Variants in SORCS3 observed in about 807,000 individuals in gnomAD.
The protein encoded by SORCS3 is sortilin related VPS10 domain containing receptor 3.
SORCS3 carries 57 observed loss-of-function variants against 146.3 expected under a neutral mutation model. That is an observed-to-expected ratio of 0.39 (90% CI 0.31 to 0.49). The LOEUF is 0.49. SORCS3 is among the 20% of genes least tolerant of loss of function. The pLI is 0.92. For missense variants in SORCS3, 1,341 were observed against 1,575.5 expected, an observed-to-expected ratio of 0.85 and a Z score of 2.52; for synonymous variants, 653 against 618.5, an observed-to-expected ratio of 1.06 and a Z score of -0.83.
chr10:104,904,390 G>T (rs916516134), intron 2 of SORCS3, among the ~76,000 whole-genome samples: 2 of 152,136 alleles, frequency 1.3e-5, no homozygotes, highest in African/African-American at 4.8e-5. Context: ...GAGCTTTAAT[G>T]ATAATTTTTA....
At chr10:104,977,854 CCTGAGTGGCTCGGATTA>C (rs2054910077) in intron 4 of SORCS3, among the ~76,000 whole-genome samples, 1 of 151,076 alleles carries the variant, frequency 6.6e-6, no homozygotes, top group Admixed American at 6.6e-5. Flanking sequence ...GCCTCAGCCT[CCTGAGTGGCTCGGATTA>C]CAGGTGCCCA....
intron 1 of SORCS3, among the ~76,000 whole-genome samples, chr10:104,724,623 T>C (rs1370002027): frequency 1.3e-5 from 2 of 152,190 alleles, no homozygotes; most frequent in Non-Finnish European, 2.9e-5. Context: ...CAATCAGACG[T>C]AGATTTGGTC....
chr10:104,747,555 C>T (rs2016925842), intron 1 of SORCS3, among the ~76,000 whole-genome samples: 1 of 152,194 alleles, frequency 6.6e-6, no homozygotes, highest in African/African-American at 2.4e-5. Context: ...TAATGAGAGG[C>T]TAATCTAACC....
At chr10:104,820,360 A>T (rs1182237439) in intron 1 of SORCS3, among the ~76,000 whole-genome samples, 2 of 152,188 alleles carry the variant, frequency 1.3e-5, no homozygotes, top group Non-Finnish European at 2.9e-5. Flanking sequence ...ATTGTCATTA[A>T]CTGGAATTTA....
chr10:104,835,330 G>A (rs1273157002), intron 1 of SORCS3, among the ~76,000 whole-genome samples: 1 of 152,142 alleles, frequency 6.6e-6, no homozygotes, highest in Non-Finnish European at 1.5e-5. Flanking sequence ...ACCACTCCTG[G>A]TAAAGAAAGT....
chr10:104,943,035 A>G (rs1282333152), intron 3 of SORCS3, among the ~76,000 whole-genome samples: 1 of 152,206 alleles, frequency 6.6e-6, no homozygotes, highest in Non-Finnish European at 1.5e-5. Context: ...CTGTAAATAA[A>G]CCCTTAGAAT....
chr10:105,102,131 C>T (rs1008053988), intron 6 of SORCS3, among the ~76,000 whole-genome samples: 2 of 152,126 alleles, frequency 1.3e-5, no homozygotes, highest in Non-Finnish European at 2.9e-5. Flanking sequence ...GCTACAGGGT[C>T]AGGGAATGAG....
At chr10:105,057,595 G>A (rs1006884261) in intron 5 of SORCS3, among the ~76,000 whole-genome samples, 4 of 152,126 alleles carry the variant, frequency 2.6e-5, no homozygotes. Context: ...CACTCACATG[G>A]ACATGATTTT....
At chr10:104,797,533 A>G (rs1442216032) in intron 1 of SORCS3, among the ~76,000 whole-genome samples, 3 of 152,210 alleles carry the variant, frequency 2.0e-5, no homozygotes, top group South Asian at 2.1e-4. Context: ...ACAGTTCATA[A>G]ATGTGCTTGA....
intron 5 of SORCS3, among the ~76,000 whole-genome samples, chr10:105,062,856 G>A (rs2055497070): frequency 1.3e-5 from 2 of 152,146 alleles, no homozygotes; most frequent in South Asian, 4.1e-4. Context: ...CCACCACAGT[G>A]CCAGGCTCCA....
At chr10:105,176,699 C>T (rs942488986) in intron 13 of SORCS3, among the ~76,000 whole-genome samples, 1 of 151,442 alleles carries the variant, frequency 6.6e-6, no homozygotes, top group African/African-American at 2.4e-5. Context: ...ACAAAGAATA[C>T]AAAAAAATAG....
chr10:104,999,257 C>T (rs1003269214), intron 4 of SORCS3, among the ~76,000 whole-genome samples: 2 of 152,048 alleles, frequency 1.3e-5, no homozygotes, highest in African/African-American at 2.4e-5. Context: ...TTAACTGGTT[C>T]ATACAGAATC....
chr10:104,825,429 C>T (rs2017924189), intron 1 of SORCS3, among the ~76,000 whole-genome samples: 1 of 152,180 alleles, frequency 6.6e-6, no homozygotes, highest in Non-Finnish European at 1.5e-5. Flanking sequence ...TTCACTTTTT[C>T]TCAAAGAAAC....
intron 2 of SORCS3, among the ~76,000 whole-genome samples, chr10:104,903,357 C>A (rs1418740654): frequency 1.3e-5 from 2 of 152,112 alleles, no homozygotes; most frequent in Non-Finnish European, 2.9e-5. Context: ...CCTCAAGAAG[C>A]TTATAGTTGT....
At chr10:105,092,608 A>AACACACACACACAC (rs61665816) in intron 6 of SORCS3, among the ~76,000 whole-genome samples, 12,249 of 147,192 alleles carry the variant, frequency 0.083, 674 homozygotes, top group Non-Finnish European at 0.11. Flanking sequence ...TGCATTCACA[A>AACACACACACACAC]ACACACACAC....
chr10:105,219,337 A>G (rs1266431809), intron 19 of SORCS3, among the ~76,000 whole-genome samples: 1 of 152,246 alleles, frequency 6.6e-6, no homozygotes, highest in Non-Finnish European at 1.5e-5. Flanking sequence ...TGTAACATGT[A>G]TAAAAAGGCT....
chr10:104,775,621 G>A (rs1018886830), intron 1 of SORCS3, among the ~76,000 whole-genome samples: 9 of 152,180 alleles, frequency 5.9e-5, no homozygotes, highest in East Asian at 1.9e-4. Context: ...AGCTGGGGCC[G>A]TTCTATAAAG....
At chr10:105,099,656 C>T (rs1461028573) in intron 6 of SORCS3, among the ~76,000 whole-genome samples, 1 of 152,112 alleles carries the variant, frequency 6.6e-6, no homozygotes, top group Non-Finnish European at 1.5e-5. Context: ...CTGGACTTTA[C>T]AGTGAAATTT....
intron 1 of SORCS3, among the ~76,000 whole-genome samples, chr10:104,708,110 C>T (rs1443981998): frequency 1.3e-5 from 2 of 152,220 alleles, no homozygotes; most frequent in Non-Finnish European, 2.9e-5. Context: ...TTATCTGCAT[C>T]TGAATTTTAA....
Sources: gnomAD v4.1 joint callset for allele counts (sites outside exome capture counted in the v4.1 genomes callset) on GRCh38, gnomAD v4.1.1 for gene constraint, MANE v1.5 for transcripts, NCBI Gene and HGNC (gene_info 2026-07-23, HGNC 2026-07-21) for gene names.